Variants in LRMDA observed in about 807,000 individuals in gnomAD.
LRMDA encodes the protein leucine rich melanocyte differentiation associated.
A neutral mutation model predicts 29.8 loss-of-function variants in LRMDA; 18 were observed. The ratio of observed to expected loss-of-function variants is 0.60; its 90% CI spans 0.42 to 0.90. The LOEUF (loss-of-function observed/expected upper bound fraction) is 0.90, where lower values mean the gene tolerates loss of function less well. Ranked by LOEUF, LRMDA falls within the 40% of genes least tolerant of loss-of-function variation. The probability of loss-of-function intolerance (pLI) is 0.00; values close to 1 mark genes in which losing one functional copy is unlikely to be tolerated. For synonymous variants in LRMDA, 125 were observed against 109.4 expected (o/e 1.14, Z -0.89); for missense variants, 273 against 273.9 (o/e 1.00, Z 0.02).
At chr10:75,716,666 G>T (rs1442625661) in intron 2 of LRMDA, among the ~76,000 whole-genome samples, 2 of 152,126 alleles carry the variant, frequency 1.3e-5, no homozygotes, top group Non-Finnish European at 2.9e-5. Flanking sequence ...GACCATGGGG[G>T]TTCGATGGTG....
At chr10:76,057,298 A>G (rs1848632103) in intron 4 of LRMDA, among the ~76,000 whole-genome samples, 1 of 152,156 alleles carries the variant, frequency 6.6e-6, no homozygotes, top group Non-Finnish European at 1.5e-5. Context: ...CACTGAGAAC[A>G]CCTTTGAGAG....
chr10:75,485,629 C>T (rs1482577878), intron 2 of LRMDA, among the ~76,000 whole-genome samples: 1 of 151,978 alleles, frequency 6.6e-6, no homozygotes, highest in Non-Finnish European at 1.5e-5. Context: ...GTTGCCCAGG[C>T]TGGAGTGCAG....
intron 5 of LRMDA, among the ~76,000 whole-genome samples, chr10:76,321,282 C>T (rs1840767343): frequency 6.6e-6 from 1 of 152,192 alleles, no homozygotes; most frequent in African/African-American, 2.4e-5. Flanking sequence ...AACGAATGTA[C>T]ATTCCCACCA....
At chr10:75,699,552 G>T (rs974109655) in intron 2 of LRMDA, among the ~76,000 whole-genome samples, 6 of 152,116 alleles carry the variant, frequency 3.9e-5, no homozygotes, top group African/African-American at 1.2e-4. Context: ...ATACATTTTG[G>T]TTAATTGACA....
chr10:76,123,742 T>C, intron 5 of LRMDA, among the ~76,000 whole-genome samples: 1 of 152,210 alleles, frequency 6.6e-6, no homozygotes, highest in East Asian at 1.9e-4. Flanking sequence ...TTCTGCAGCA[T>C]CTCAGAAACT....
At chr10:76,350,395 CAA>C (rs1399145282) in intron 6 of LRMDA, among the ~76,000 whole-genome samples, 1 of 151,398 alleles carries the variant, frequency 6.6e-6, no homozygotes, top group African/African-American at 2.4e-5. Flanking sequence ...ATAATTAAGT[CAA>C]GTTTATTCTT....
At chr10:75,713,234 G>A (rs1235855995) in intron 2 of LRMDA, among the ~76,000 whole-genome samples, 1 of 152,154 alleles carries the variant, frequency 6.6e-6, no homozygotes, top group African/African-American at 2.4e-5. Context: ...AATTAATTGG[G>A]AGAGAAAGAA....
intron 2 of LRMDA, among the ~76,000 whole-genome samples, chr10:75,757,597 C>T (rs992910462): frequency 1.1e-4 from 16 of 152,040 alleles, no homozygotes; most frequent in Admixed American, 5.9e-4. Flanking sequence ...ACCACTTTTC[C>T]GTCTTTTAAA....
intron 2 of LRMDA, among the ~76,000 whole-genome samples, chr10:75,989,561 A>G (rs1204939942): frequency 6.6e-6 from 1 of 152,208 alleles, no homozygotes; most frequent in Non-Finnish European, 1.5e-5. Flanking sequence ...ACAATTTGAC[A>G]CGAGATTTTG....
intron 2 of LRMDA, among the ~76,000 whole-genome samples, chr10:75,598,995 A>G (rs1340846526): frequency 6.6e-6 from 1 of 151,842 alleles, no homozygotes; most frequent in Admixed American, 6.6e-5. Flanking sequence ...GGCAAAGAGG[A>G]GAGGAGGTGG....
intron 6 of LRMDA, among the ~76,000 whole-genome samples, chr10:76,469,908 A>G (rs962705060): frequency 2.0e-5 from 3 of 152,134 alleles, no homozygotes; most frequent in African/African-American, 4.8e-5. Flanking sequence ...AAACACTGTC[A>G]TCATCCCAAG....
chr10:76,538,492 TTATATATGTATA>T (rs999429458), intron 6 of LRMDA, among the ~76,000 whole-genome samples: 14 of 138,952 alleles, frequency 1.0e-4, no homozygotes, highest in African/African-American at 3.0e-4. Context: ...ATTTATATAG[TTATATATGTATA>T]TATATATGTA....
intron 2 of LRMDA, among the ~76,000 whole-genome samples, chr10:75,599,818 T>A (rs149411625): frequency 9.8e-5 from 15 of 152,302 alleles, no homozygotes; most frequent in Middle Eastern, 3.4e-3. Flanking sequence ...CACATGTGGC[T>A]ACCATAATGG....
At chr10:75,585,371 A>G (rs1477352946) in intron 2 of LRMDA, among the ~76,000 whole-genome samples, 1 of 152,266 alleles carries the variant, frequency 6.6e-6, no homozygotes, top group African/African-American at 2.4e-5. Context: ...TTGTTTGGAT[A>G]TGCAAAATTT....
chr10:76,108,142 C>T (rs1402617259), intron 5 of LRMDA, among the ~76,000 whole-genome samples: 1 of 152,124 alleles, frequency 6.6e-6, no homozygotes, highest in Non-Finnish European at 1.5e-5. Flanking sequence ...AAATACTAGC[C>T]TTTAAATGTC....
chr10:75,493,700 G>A (rs1000741093), intron 2 of LRMDA, among the ~76,000 whole-genome samples: 6 of 152,160 alleles, frequency 3.9e-5, no homozygotes, highest in African/African-American at 1.4e-4. Flanking sequence ...AATTACATGT[G>A]TGGTGAGACA....
At chr10:76,183,850 C>A (rs1851096467) in intron 5 of LRMDA, among the ~76,000 whole-genome samples, 1 of 152,112 alleles carries the variant, frequency 6.6e-6, no homozygotes, top group Non-Finnish European at 1.5e-5. Context: ...TCCCAAGTAG[C>A]TGGGGCTACA....
At chr10:76,450,301 G>A (rs1000628620) in intron 6 of LRMDA, among the ~76,000 whole-genome samples, 3 of 152,020 alleles carry the variant, frequency 2.0e-5, no homozygotes, top group Middle Eastern at 3.2e-3. Flanking sequence ...GCAAAGAAGG[G>A]TGAGGCCAGC....
At chr10:76,154,834 T>C (rs886519002) in intron 5 of LRMDA, among the ~76,000 whole-genome samples, 1 of 152,240 alleles carries the variant, frequency 6.6e-6, no homozygotes, top group Non-Finnish European at 1.5e-5. Context: ...CAGCTCATTC[T>C]AGCTCATTCA....
Sources: gnomAD v4.1 joint callset for allele counts (sites outside exome capture counted in the v4.1 genomes callset) on GRCh38, gnomAD v4.1.1 for gene constraint, MANE v1.5 for transcripts, NCBI Gene and HGNC (gene_info 2026-07-23, HGNC 2026-07-21) for gene names.